Variants in TRIO observed in about 807,000 individuals in gnomAD.
The protein encoded by TRIO is triple functional domain protein.
A neutral mutation model predicts 351.9 loss-of-function variants in TRIO; 58 were observed. The observed-to-expected ratio is 0.16, with a 90% CI of 0.13 to 0.21. The LOEUF (loss-of-function observed/expected upper bound fraction) is 0.21, where lower values mean the gene tolerates loss of function less well. TRIO is among the 10% of genes least tolerant of loss of function. The pLI is 1.00. For synonymous variants in TRIO, 1,758 were observed against 1,595.7 expected (o/e 1.10, Z -2.42); for missense variants, 3,201 against 4,027.8 (o/e 0.79, Z 5.56).
chr5:14,273,973 C>T (rs1045675331), intron 2 of TRIO, among the ~76,000 whole-genome samples: 8 of 152,096 alleles, frequency 5.3e-5, no homozygotes, highest in Non-Finnish European at 1.0e-4. Context: ...CTTAGTCTTC[C>T]GTTCACTCTG....
intron 1 of TRIO, among the ~76,000 whole-genome samples, chr5:14,144,403 T>C (rs1787365436): frequency 6.6e-6 from 1 of 152,194 alleles, no homozygotes; most frequent in Non-Finnish European, 1.5e-5. Flanking sequence ...GTTTCTTTGC[T>C]TGGCCCTCTA....
intron 1 of TRIO, among the ~76,000 whole-genome samples, chr5:14,227,628 C>T (rs933087331): frequency 9.2e-5 from 14 of 152,104 alleles, no homozygotes; most frequent in South Asian, 2.1e-4. Context: ...GGAAGGAAGA[C>T]GTGAGTTTAG....
At chr5:14,290,452 A>G (rs186479874) in intron 4 of TRIO, among the ~76,000 whole-genome samples, 1 of 152,344 alleles carries the variant, frequency 6.6e-6, no homozygotes, top group African/African-American at 2.4e-5. Context: ...TCATTTCTTT[A>G]GCTCTCATGA....
chr5:14,493,142 A>G (rs1222735310), intron 49 of TRIO, among the ~76,000 whole-genome samples: 1 of 152,172 alleles, frequency 6.6e-6, no homozygotes, highest in African/African-American at 2.4e-5. Flanking sequence ...CTAAGGGGAA[A>G]ATATCCCCTA....
rs145133665 is a variant in TRIO, at chr5:14,374,288, C to T, written c.3276C>T (p.Ser1092=). The T allele has an allele frequency of 7.8e-4, 1,255 of 1,613,636 alleles. 13 individuals are homozygous for T. The highest frequency in any genetic ancestry group is 2.1e-3 in the South Asian group (193 of 91,062). ...DVFLKYLHRN[S]VNMPGMVTHI... ...TCCTGAAATACCTGCACAGGAACAG[C>T]GTGAACATGCCAGGAATGGTGACGC... The change falls in exon 19 of 57, where the codon AGC becomes AGT. Residue 1092 remains serine, a synonymous_variant. Coordinates refer to ENST00000344204, the MANE Select transcript of TRIO (RefSeq NM_007118.4).
At chr5:14,253,861 G>A (rs575851899) in intron 1 of TRIO, among the ~76,000 whole-genome samples, 1 of 152,246 alleles carries the variant, frequency 6.6e-6, no homozygotes, top group Admixed American at 6.5e-5. Flanking sequence ...CCTGACATGT[G>A]ACATCACAAC....
Position 14,461,036 on chromosome 5 carries a change from A to G in TRIO, c.5221A>G (p.Ser1741Gly), listed in dbSNP as rs1206287803. Residue 1741 changes from serine (S) to glycine (G), a missense_variant, in exon 35 of 57, where the codon AGC becomes GGC. Ser to Gly is a moderately conservative substitution (Grantham distance 56). Around this residue, in one of 19 missense-constraint regions of TRIO, gnomAD observed 193 missense variants for 218.8 expected, o/e 0.88. Transcript: ENST00000344204. Reference sequence around the variant, plus strand: ...CCTGGCAGACTCGCTCTCCGTCTCCAGCAATGACGCCAGTCCACCCGCATC... The same window carrying G: ...CCTGGCAGACTCGCTCTCCGTCTCCGGCAATGACGCCAGTCCACCCGCATC... ...FNHKDSLSVS[S>G]NDASPPASVA... is the part of the protein sequence containing the mutation. 4 of 1,577,730 alleles carry G rather than the reference A, an allele frequency of 2.5e-6. No homozygotes were observed. The highest frequency in any genetic ancestry group is 3.4e-6 in the Non-Finnish European group (4 of 1,160,566).
intron 1 of TRIO, among the ~76,000 whole-genome samples, chr5:14,204,957 G>A (rs1013336011): frequency 2.0e-5 from 3 of 152,154 alleles, no homozygotes; most frequent in African/African-American, 2.4e-5. Context: ...GTTTCTAGCC[G>A]TGTAGAAGTC....
At chr5:14,218,448 CTAAG>C (rs1388855586) in intron 1 of TRIO, among the ~76,000 whole-genome samples, 1 of 152,210 alleles carries the variant, frequency 6.6e-6, no homozygotes, top group African/African-American at 2.4e-5. Flanking sequence ...CAATTAGCAT[CTAAG>C]GACCTGAGCT....
chr5:14,201,153 G>A (rs563943637), intron 1 of TRIO, among the ~76,000 whole-genome samples: 9 of 151,958 alleles, frequency 5.9e-5, no homozygotes, highest in Non-Finnish European at 1.2e-4. Flanking sequence ...CCAGCTACTC[G>A]GGAGGCTGAG....
At chr5:14,350,418 A>AC (rs1742957785) in intron 11 of TRIO, among the ~76,000 whole-genome samples, 1 of 152,142 alleles carries the variant, frequency 6.6e-6, no homozygotes, top group Admixed American at 6.5e-5. Flanking sequence ...AATAAAAAAA[A>AC]CCCCAAAGTC....
intron 1 of TRIO, among the ~76,000 whole-genome samples, chr5:14,211,376 A>G (rs1457268693): frequency 2.0e-5 from 3 of 152,272 alleles, no homozygotes; most frequent in African/African-American, 4.8e-5. Flanking sequence ...CATAAAGCTC[A>G]TATTTTTAAA....
Position 14,497,140 on chromosome 5 carries a change from C to T in TRIO, c.8019+123C>T, listed in dbSNP as rs62345876. On this transcript the variant is annotated intron_variant, in intron 50 of 56. Transcript: ENST00000344204. This position sits in a 1 kb window ranked among gnomAD's most constrained non-coding sequence, Gnocchi z 4.4. ...TGACCTCCCTCCCACCCACCAGCCCCGTGCCCTGCGTGTCCTGTAGGGTCT... is the reference window on the plus strand; with the variant it reads ...TGACCTCCCTCCCACCCACCAGCCCTGTGCCCTGCGTGTCCTGTAGGGTCT... 42,089 of 1,379,074 alleles carry T rather than the reference C, an allele frequency of 0.031. 771 individuals carry two copies. The highest frequency in any genetic ancestry group is 0.036 in the Non-Finnish European group (36,566 of 1,027,196). The allele number at this position is 1,379,074 out of a possible 1,614,324, so 85.4% of individuals were successfully genotyped here. A position where few individuals can be genotyped will look rare whatever the true frequency, so the allele number is the denominator to read the frequency against.
chr5:14,166,624 G>T (rs1026558498), intron 1 of TRIO, among the ~76,000 whole-genome samples: 3 of 152,172 alleles, frequency 2.0e-5, no homozygotes, highest in African/African-American at 7.2e-5. Flanking sequence ...CATAGTCAGT[G>T]CTTAGTAAGT....
At chr5:14,157,980 G>C (rs976492699) in intron 1 of TRIO, among the ~76,000 whole-genome samples, 1 of 152,078 alleles carries the variant, frequency 6.6e-6, no homozygotes, top group African/African-American at 2.4e-5. Context: ...GTTCTGTACT[G>C]CCCATAAACA....
At chr5:14,414,364 C>T (rs1348812873) in intron 33 of TRIO, among the ~76,000 whole-genome samples, 1 of 152,186 alleles carries the variant, frequency 6.6e-6, no homozygotes, top group Non-Finnish European at 1.5e-5. Context: ...GTTTGCCTAC[C>T]CTTTTTAGTT....
At chr5:14,439,707 A>T (rs1043967373) in intron 34 of TRIO, among the ~76,000 whole-genome samples, 1 of 152,232 alleles carries the variant, frequency 6.6e-6, no homozygotes, top group Non-Finnish European at 1.5e-5. Context: ...GGGTCCTGGC[A>T]TAAGTACACC....
intron 13 of TRIO, 112 bp downstream of exon 13, chr5:14,359,643 C>A: frequency 7.8e-7 from 1 of 1,275,512 alleles, no homozygotes; most frequent in Non-Finnish European, 1.1e-6. Flanking sequence ...TCACCCACAC[C>A]CCAACCCTCT....
chr5:14,407,369 A>G (rs147105342), intron 33 of TRIO, among the ~76,000 whole-genome samples: 4 of 152,346 alleles, frequency 2.6e-5, no homozygotes, highest in Admixed American at 6.5e-5. Context: ...TTATATGGCT[A>G]TCCCTTAGAG....
Sources: gnomAD v4.1 joint callset for allele counts (sites outside exome capture counted in the v4.1 genomes callset) on GRCh38, gnomAD v4.1.1 for gene constraint, gnomAD v4.1.1 regional missense constraint, Gnocchi (gnomAD v3.1) non-coding constraint, MANE v1.5 for transcripts, NCBI Gene and HGNC (gene_info 2026-07-23, HGNC 2026-07-21) for gene names.